Variants in SLCO6A1 observed in about 807,000 individuals in gnomAD.
SLCO6A1 encodes the protein solute carrier organic anion transporter family member 6A1, also known as cancer/testis antigen 48.
Under a neutral mutation model 72.7 loss-of-function variants are expected in SLCO6A1, and 65 were observed. The ratio of observed to expected loss-of-function variants is 0.89; its 90% CI spans 0.73 to 1.10. SLCO6A1 has a LOEUF of 1.10. Among genes scored for constraint, SLCO6A1 ranks in the 50% least tolerant of loss-of-function variants. The pLI is 0.00. For missense variants in SLCO6A1, 874 were observed against 872.6 expected (o/e 1.00, Z -0.02); for synonymous variants, 314 against 298.2 (o/e 1.05, Z -0.55).
chr5:102,483,180 T>C (rs775129811), intron 1 of SLCO6A1, among the ~76,000 whole-genome samples: 3 of 152,196 alleles, frequency 2.0e-5, no homozygotes, highest in Non-Finnish European at 2.9e-5. Flanking sequence ...TTTCTTTTGG[T>C]GAACATTCAT....
intron 1 of SLCO6A1, among the ~76,000 whole-genome samples, chr5:102,487,675 C>A (rs528934483): frequency 1.7e-4 from 26 of 152,294 alleles, no homozygotes; most frequent in African/African-American, 6.0e-4. Flanking sequence ...GCAGAACCAG[C>A]CGCATCAAAT....
intron 6 of SLCO6A1, among the ~76,000 whole-genome samples, chr5:102,443,286 C>T (rs2112696711): frequency 6.6e-6 from 1 of 152,266 alleles, no homozygotes; most frequent in South Asian, 2.1e-4. Flanking sequence ...CTTCTGTCTC[C>T]TTATTGTGTA....
intron 4 of SLCO6A1, among the ~76,000 whole-genome samples, chr5:102,462,425 C>A (rs542467689): frequency 6.6e-6 from 1 of 152,226 alleles, no homozygotes; most frequent in South Asian, 2.1e-4. Context: ...GTCTGCATAG[C>A]CAAAGCAAGA....
At chr5:102,457,894 T>C (rs887635349) in intron 6 of SLCO6A1, among the ~76,000 whole-genome samples, 16 of 152,080 alleles carry the variant, frequency 1.1e-4, no homozygotes, top group African/African-American at 3.9e-4. Context: ...AAATGTGGCA[T>C]ATATACACCA....
At chr5:102,487,312 G>A (rs1333091543) in intron 1 of SLCO6A1, among the ~76,000 whole-genome samples, 6 of 152,128 alleles carry the variant, frequency 3.9e-5, no homozygotes, top group African/African-American at 9.7e-5. Flanking sequence ...TGTAAACAAT[G>A]TACAAGTCTT....
At chr5:102,459,433 A>G (rs1162147174) in intron 5 of SLCO6A1, among the ~76,000 whole-genome samples, 1 of 152,130 alleles carries the variant, frequency 6.6e-6, no homozygotes, top group East Asian at 1.9e-4. Flanking sequence ...CTAAATACAA[A>G]GAAGAAGAAA....
rs186748069 is a variant in SLCO6A1 at position 102,455,217 on chromosome 5, C to T, written c.1131+3165G>A. ...AATTACCTAATGTGTCCAGGAAAGA[C>T]CAAGTGGCTGGAATGTGGAGGACAG... On this transcript the variant is annotated intron_variant, in intron 6 of 13. Transcript: ENST00000506729. 2.1e-3 allele frequency among the ~76,000 whole-genome samples: 312 copies of T among 151,686 alleles called. 2 individuals carry two copies. Among genetic ancestry groups the T allele is most frequent in the African/African-American group, 7.2e-3 (297 of 41,422 alleles).
intron 8 of SLCO6A1, among the ~76,000 whole-genome samples, chr5:102,414,843 T>G (rs894416393): frequency 6.6e-6 from 1 of 152,030 alleles, no homozygotes; most frequent in African/African-American, 2.4e-5. Context: ...TGCAGTGAGC[T>G]GAGATTGTAC....
chr5:102,422,719 G>C (rs1434474671), intron 7 of SLCO6A1, among the ~76,000 whole-genome samples: 1 of 152,126 alleles, frequency 6.6e-6, no homozygotes, highest in Non-Finnish European at 1.5e-5. Context: ...TTATCCAGGA[G>C]AACTTCCCCA....
At chr5:102,465,161 A>G (rs933420803) in intron 4 of SLCO6A1, among the ~76,000 whole-genome samples, 4 of 152,200 alleles carry the variant, frequency 2.6e-5, no homozygotes, top group Non-Finnish European at 5.9e-5. Context: ...TATGTCAGCT[A>G]GACATTCATC....
chr5:102,382,940 GTA>G (rs1291567299), intron 12 of SLCO6A1, among the ~76,000 whole-genome samples: 2 of 140,046 alleles, frequency 1.4e-5, no homozygotes, highest in Admixed American at 6.9e-5. Flanking sequence ...ATACGTGTGT[GTA>G]TATATATGAG....
In SLCO6A1 at chr5:102,466,007, C is replaced by A. The variant is rs142517191; in HGVS notation, c.900-6230G>T. Among the ~76,000 whole-genome samples, 318 of 152,198 alleles carry A rather than the reference C, an allele frequency of 2.1e-3. 3 individuals are homozygous for A. The highest frequency in any genetic ancestry group is 7.3e-3 in the African/African-American group (302 of 41,568). ...AATATTCACATTATTTAGTATTGGGCTTCTCTTTTTCCTTTTTAACTTTTA... is the reference window on the plus strand; with the variant it reads ...AATATTCACATTATTTAGTATTGGGATTCTCTTTTTCCTTTTTAACTTTTA... On this transcript the variant is annotated intron_variant, in intron 4 of 13. Coordinates refer to ENST00000506729, the MANE Select transcript of SLCO6A1 (RefSeq NM_173488.5).
At chr5:102,438,458 A>ATTG in intron 7 of SLCO6A1, 159 bp downstream of exon 7, 2 of 504,270 alleles carry the variant, frequency 4.0e-6, no homozygotes, top group Non-Finnish European at 6.6e-6. Context: ...TGTTAAAAAT[A>ATTG]TTGACACTAT....
chr5:102,401,674 G>T (rs1413074968), intron 9 of SLCO6A1, among the ~76,000 whole-genome samples: 1 of 152,238 alleles, frequency 6.6e-6, no homozygotes, highest in East Asian at 1.9e-4. Context: ...GTCATATGGG[G>T]AAGGACTTCC....
chr5:102,404,993 T>A (rs1383816353), intron 9 of SLCO6A1, among the ~76,000 whole-genome samples: 2 of 152,234 alleles, frequency 1.3e-5, no homozygotes, highest in East Asian at 1.9e-4. Context: ...TGGAGGTATC[T>A]CACAGAATTC....
At chr5:102,495,927 G>T (rs1426589635) in intron 1 of SLCO6A1, among the ~76,000 whole-genome samples, 8 of 152,186 alleles carry the variant, frequency 5.3e-5, no homozygotes, top group African/African-American at 1.9e-4. Flanking sequence ...ATGAGGAAGT[G>T]TTCCAGATTA....
chr5:102,456,371 C>A (rs1443266504), intron 6 of SLCO6A1, among the ~76,000 whole-genome samples: 1 of 152,080 alleles, frequency 6.6e-6, no homozygotes, highest in Non-Finnish European at 1.5e-5. Flanking sequence ...TGTCTCAGCC[C>A]AAAATCTCCT....
rs1395309083 is a variant in SLCO6A1 at position 102,388,805 on chromosome 5, T to C, written c.1900A>G (p.Ile634Val). 1.2e-6 allele frequency: 2 copies of C among 1,604,916 alleles called. No homozygotes were observed. The highest frequency in any genetic ancestry group is 1.7e-5 in the Admixed American group (1 of 57,542). ...GAAGTTTCTCCTGACATTTTAAAGA[T>C]TGATGGTCCAGGAATAGTCCCTATG... ...RIFGTIPGPSIFKMSGETSCI... is the reference protein window; with the variant it reads ...RIFGTIPGPSVFKMSGETSCI... Residue 634 changes from isoleucine to valine, a missense_variant, in exon 12 of 14, where the codon ATC becomes GTC. Transcript: ENST00000506729.
Position 102,480,409 on chromosome 5 carries a change from G to A in SLCO6A1, c.384C>T (p.Val128=). 1 of 1,613,256 alleles carries A rather than the reference G, an allele frequency of 6.2e-7. No homozygotes were observed. The highest frequency in any genetic ancestry group is 8.5e-7 in the Non-Finnish European group (1 of 1,179,626). The change falls in exon 2 of 14, where the codon GTC becomes GTT. Residue 128 remains valine (V), a synonymous_variant. Coordinates refer to ENST00000506729, the MANE Select transcript of SLCO6A1 (RefSeq NM_173488.5). ...CQGVVFGLID[V]SIGDFQKEYQ... ...ATTCCTTCTGAAAATCGCCAATGCTGACATCTATAAGACCAAACACCACAC... is the reference window on the plus strand; with the variant it reads ...ATTCCTTCTGAAAATCGCCAATGCTAACATCTATAAGACCAAACACCACAC...
Sources: gnomAD v4.1 joint callset for allele counts (sites outside exome capture counted in the v4.1 genomes callset) on GRCh38, gnomAD v4.1.1 for gene constraint, MANE v1.5 for transcripts, NCBI Gene and HGNC (gene_info 2026-07-23, HGNC 2026-07-21) for gene names.